IGF2BP3: variants seen among roughly 807,000 people sequenced by gnomAD.
The protein encoded by IGF2BP3 is insulin-like growth factor 2 mRNA-binding protein 3.
Under a neutral mutation model 73.8 loss-of-function variants are expected in IGF2BP3, and 9 were observed. The ratio of observed to expected loss-of-function variants is 0.12; its 90% CI spans 0.07 to 0.21. The LOEUF (loss-of-function observed/expected upper bound fraction) is 0.21, where lower values mean the gene tolerates loss of function less well. Ranked by LOEUF, IGF2BP3 falls within the 10% of genes least tolerant of loss-of-function variation. The pLI is 1.00. For synonymous variants in IGF2BP3, 258 were observed against 256.7 expected (o/e 1.01, Z -0.05); for missense variants, 542 against 714.0 (o/e 0.76, Z 2.75).
intron 3 of IGF2BP3, among the ~76,000 whole-genome samples, chr7:23,401,340 G>GGCA (rs1425664167): frequency 6.6e-6 from 1 of 152,136 alleles, no homozygotes; most frequent in East Asian, 1.9e-4. Context: ...GCATCATGGA[G>GGCA]GCAGCATCAT....
At chr7:23,461,215 C>T (rs1269576653) in intron 2 of IGF2BP3, among the ~76,000 whole-genome samples, 4 of 152,122 alleles carry the variant, frequency 2.6e-5, no homozygotes, top group Non-Finnish European at 4.4e-5. Flanking sequence ...GCCCTGCTTG[C>T]TTTCTTCTAC....
chr7:23,453,658 C>T (rs1788250909), intron 2 of IGF2BP3, among the ~76,000 whole-genome samples: 1 of 152,230 alleles, frequency 6.6e-6, no homozygotes, highest in Non-Finnish European at 1.5e-5. Flanking sequence ...CTAATAGATA[C>T]TGCCAAATAG....
At chr7:23,465,907 G>A (rs146304550) in intron 2 of IGF2BP3, among the ~76,000 whole-genome samples, 147 of 152,106 alleles carry the variant, frequency 9.7e-4, no homozygotes, top group African/African-American at 3.4e-3. Flanking sequence ...TGCCTTCTCT[G>A]CCCGCTTCCA....
At position 23,392,111 on chromosome 7, in the gene IGF2BP3, A is replaced by C. The variant is rs373217207; in HGVS notation, c.285+26665T>G. Among the ~76,000 whole-genome samples the C allele has an allele frequency of 1.4e-4, 22 of 152,308 alleles. 1 individual carries two copies. Among genetic ancestry groups the C allele is most frequent in the Admixed American group, 9.2e-4 (14 of 15,298 alleles). On this transcript the variant is annotated intron_variant, in intron 3 of 14. Coordinates refer to ENST00000258729, the MANE Select transcript of IGF2BP3 (RefSeq NM_006547.3). ...CAGAGCTAACCTACAGAAAGTATTT[A>C]AGGTAAGCAGTAAAGAAGGAGAGAC...
In IGF2BP3 at chr7:23,469,023, A is replaced by G. The variant is rs890424354; in HGVS notation, c.176-481T>C. Among the ~76,000 whole-genome samples the G allele has an allele frequency of 2.0e-5, 3 of 152,186 alleles. No individual in the cohort carries two copies. The highest frequency in any genetic ancestry group is 4.4e-5 in the Non-Finnish European group (3 of 68,026). On this transcript the variant is annotated intron_variant, in intron 1 of 14. Coordinates refer to ENST00000258729, the MANE Select transcript of IGF2BP3 (RefSeq NM_006547.3). This position sits in a 1 kb window ranked among gnomAD's most constrained non-coding sequence, Gnocchi z 6.1. ...AGGGAGTGGCGAGAAAGGGTCGGGG[A>G]CGGCAGGGGAGACCACGAACGGGAG...
intron 10 of IGF2BP3, among the ~76,000 whole-genome samples, chr7:23,322,951 C>G (rs1784198909): frequency 6.6e-6 from 1 of 152,154 alleles, no homozygotes; most frequent in Non-Finnish European, 1.5e-5. Flanking sequence ...CAACCGGTAC[C>G]AGCCACTGCA....
At chr7:23,434,323 G>C (rs1206674579) in intron 2 of IGF2BP3, among the ~76,000 whole-genome samples, 1 of 151,986 alleles carries the variant, frequency 6.6e-6, no homozygotes, top group Non-Finnish European at 1.5e-5. Context: ...TTTGTTCGTG[G>C]GAAAGTTGCA....
At chr7:23,366,747 G>A (rs1267742264) in intron 3 of IGF2BP3, among the ~76,000 whole-genome samples, 2 of 152,084 alleles carry the variant, frequency 1.3e-5, no homozygotes, top group Admixed American at 6.5e-5. Flanking sequence ...AGGCTTGGAA[G>A]TAATGACAAC....
intron 3 of IGF2BP3, among the ~76,000 whole-genome samples, chr7:23,383,049 A>G (rs1295298427): frequency 6.6e-6 from 1 of 152,150 alleles, no homozygotes; most frequent in Non-Finnish European, 1.5e-5. Flanking sequence ...CCTGGGTGAC[A>G]GAGCGAGACT....
chr7:23,350,580 G>T (rs780534926), intron 6 of IGF2BP3, among the ~76,000 whole-genome samples: 2 of 152,190 alleles, frequency 1.3e-5, no homozygotes, highest in Non-Finnish European at 2.9e-5. Context: ...GAACTGAGAA[G>T]TATCTTAGAT....
chr7:23,331,776 C>G (rs1017003710), intron 10 of IGF2BP3, among the ~76,000 whole-genome samples: 1 of 150,936 alleles, frequency 6.6e-6, no homozygotes, highest in Non-Finnish European at 1.5e-5. Context: ...AGGAGAACTG[C>G]TTGAACCTGG....
At chr7:23,402,626 T>C (rs1406882538) in intron 3 of IGF2BP3, 4 of 152,144 alleles carry the variant, frequency 2.6e-5, no homozygotes, top group African/African-American at 9.7e-5. Context: ...AGAGACCATA[T>C]CATGACAAGA....
rs1305426034 is a variant in IGF2BP3 at position 23,470,173 on chromosome 7, G to A, written c.-63C>T. 7.4e-7 allele frequency: 1 copy of A among 1,347,054 alleles called. No individual in the cohort carries two copies. Among genetic ancestry groups the A allele is most frequent in the Non-Finnish European group, 1.0e-6 (1 of 970,786 alleles). 83.4% of individuals were successfully genotyped at this position (1,347,054 alleles called of 1,614,324 possible). On this transcript the variant is annotated 5_prime_UTR_variant, in exon 1 of 15. Coordinates refer to ENST00000258729, the MANE Select transcript of IGF2BP3 (RefSeq NM_006547.3). ...AAACGAAAAATTAAAACCACCCACG[G>A]TGATGGATGGATCCAGCTGGTTTTG...
intron 5 of IGF2BP3, among the ~76,000 whole-genome samples, chr7:23,357,861 CTCT>C (rs1262181288): frequency 1.4e-4 from 22 of 152,234 alleles, no homozygotes; most frequent in African/African-American, 5.3e-4. Context: ...TATTTGAGGA[CTCT>C]TCTTAAGTGA....
chr7:23,387,935 AT>A (rs934412566), intron 3 of IGF2BP3, among the ~76,000 whole-genome samples: 7 of 150,290 alleles, frequency 4.7e-5, no homozygotes, highest in East Asian at 2.0e-4. Flanking sequence ...AAAGTTTAGA[AT>A]TTTTTTTTTC....
rs1448520372 is a variant in IGF2BP3, at chr7:23,445,742, TG to T, written c.236+22739del. The stretch of plus-strand genomic sequence containing the variant: ...ATCATGAGCTAAAGTTAGACTGGTA[TG>T]GAAAAAATAACCTGCAGGTGATTAA... On this transcript the variant is annotated intron_variant, in intron 2 of 14. Transcript: ENST00000258729. Among the ~76,000 whole-genome samples, 3 of 152,156 alleles carry T rather than the reference TG, an allele frequency of 2.0e-5. No individual in the cohort carries two copies. In the East Asian group the frequency reaches 5.8e-4, roughly 29 times the overall value.
chr7:23,362,148 G>A (rs115102327), intron 3 of IGF2BP3, among the ~76,000 whole-genome samples: 284 of 152,162 alleles, frequency 1.9e-3, no homozygotes, highest in African/African-American at 6.5e-3. Context: ...GCGGTGGCTC[G>A]CACCTGTAAT....
chr7:23,347,702 G>T lies in IGF2BP3; in HGVS notation c.716C>A (p.Ala239Asp), dbSNP rs778818606. 6.2e-7 allele frequency: 1 copy of T among 1,613,938 alleles called. No individual in the cohort carries two copies. Among genetic ancestry groups the T allele is most frequent in the African/African-American group, 1.3e-5 (1 of 74,900 alleles). The change falls in exon 7 of 15, where the codon GCT (alanine) becomes GAT (aspartate). Residue 239 changes from alanine to aspartate, a missense_variant. Coordinates refer to ENST00000258729, the MANE Select transcript of IGF2BP3 (RefSeq NM_006547.3). ...IDVHRKENAG[A>D]AEKSITILST... The stretch of plus-strand genomic sequence containing the variant: ...GAGGATAGTAATCGACTTCTCAGCA[G>T]CCCCCGCATTTTCTTTACGGTGGAC...
At chr7:23,418,195 G>T (rs922436833) in intron 3 of IGF2BP3, among the ~76,000 whole-genome samples, 3 of 152,026 alleles carry the variant, frequency 2.0e-5, no homozygotes, top group Non-Finnish European at 2.9e-5. Context: ...GAACTTTCAG[G>T]TTCCATTGTC....
Sources: allele counts gnomAD v4.1 joint callset (sites outside exome capture counted in the v4.1 genomes callset), GRCh38; gene constraint gnomAD v4.1.1; non-coding constraint Gnocchi (gnomAD v3.1); transcripts MANE v1.5; gene names NCBI Gene and HGNC (gene_info 2026-07-23, HGNC 2026-07-21).